Variants in PCDHGA4 observed in about 807,000 individuals in gnomAD.
PCDHGA4 encodes the protein protocadherin gamma-A4.
A neutral mutation model predicts 54.6 loss-of-function variants in PCDHGA4; 38 were observed. That is an observed-to-expected ratio of 0.70 (90% CI 0.54 to 0.91). PCDHGA4 has a LOEUF of 0.91. Ranked by LOEUF, PCDHGA4 falls within the 40% of genes least tolerant of loss-of-function variation. PCDHGA4 has a pLI of 0.00. For missense variants in PCDHGA4, 1,298 were observed against 1,220.9 expected, an observed-to-expected ratio of 1.06 and a Z score of -0.94; for synonymous variants, 511 against 512.9, an observed-to-expected ratio of 1.00 and a Z score of 0.05.
intron 1 of PCDHGA4, chr5:141,362,379 G>A (rs963441709): frequency 1.2e-5 from 19 of 1,614,004 alleles, no homozygotes; most frequent in Non-Finnish European, 1.5e-5. Flanking sequence ...AGGGTACATT[G>A]CCCTATTCCT....
At chr5:141,367,492 G>A (rs1260519213) in intron 1 of PCDHGA4, 2 of 152,030 alleles carry the variant, frequency 1.3e-5, no homozygotes, top group African/African-American at 2.4e-5. Context: ...AGCCGAGATC[G>A]CGCCACTGCA....
rs766779419 is a variant in PCDHGA4, at chr5:141,389,386, C to G, written c.2514+31765C>G. On this transcript the variant is annotated intron_variant, in intron 1 of 3. Transcript: ENST00000571252. ...GACCTGGAGCAGCGGGAGCTGTCAT[C>G]CTACGTGTCCATAAGCGCGGAGAGC... The G allele has an allele frequency of 1.1e-5, 17 of 1,613,620 alleles. No homozygotes were observed. The highest frequency in any genetic ancestry group is 6.7e-5 in the African/African-American group (5 of 74,960).
At chr5:141,400,929 A>G (rs1179035412) in intron 1 of PCDHGA4, among the ~76,000 whole-genome samples, 2 of 152,214 alleles carry the variant, frequency 1.3e-5, no homozygotes, top group Non-Finnish European at 2.9e-5. Flanking sequence ...CTGCTAGTAG[A>G]TGTCTTTCTT....
In PCDHGA4 at chr5:141,374,604, G is replaced by A. The variant is rs538426396; in HGVS notation, c.2514+16983G>A. ...TCCCTTCAGGGATTTAAGCTCAGTG[G>A]TAATAGTCACTTCTCAGTGGACGTG... On this transcript the variant is annotated intron_variant, in intron 1 of 3. Coordinates refer to ENST00000571252, the MANE Select transcript of PCDHGA4 (RefSeq NM_018917.4). 4.6e-5 allele frequency: 75 copies of A among 1,613,652 alleles called. No individual in the cohort carries two copies. In the South Asian group the frequency reaches 6.8e-4, roughly 15 times the overall value.
chr5:141,419,415 C>A, intron 1 of PCDHGA4: 2 of 1,613,434 alleles, frequency 1.2e-6, no homozygotes, highest in Non-Finnish European at 1.7e-6. Flanking sequence ...GCGCAGCGCG[C>A]CTTCGACCAC....
rs145718404 is a variant in PCDHGA4 at position 141,404,928 on chromosome 5, C to T, written c.2514+47307C>T. On this transcript the variant is annotated intron_variant, in intron 1 of 3. Transcript: ENST00000571252. ...CAGCCCCCTCTCTCGGCCACTGTCA[C>T]GCTCACAGTAGCCATAGCTGACAGC... The T allele has an allele frequency of 1.6e-4, 263 of 1,613,866 alleles. 1 individual carries two copies. In the African/African-American group the frequency reaches 2.2e-3, roughly 13 times the overall value.
intron 1 of PCDHGA4, chr5:141,393,056 C>A: frequency 6.2e-7 from 1 of 1,613,606 alleles, no homozygotes; most frequent in Non-Finnish European, 8.5e-7. Flanking sequence ...ACCCGCGCAG[C>A]GGCAGCTTGA....
chr5:141,360,377 G>C (rs1761565545), intron 1 of PCDHGA4: 1 of 1,613,920 alleles, frequency 6.2e-7, no homozygotes, highest in African/African-American at 1.3e-5. Context: ...AACCCAGAAA[G>C]CGGAGACTTA....
chr5:141,491,612 G>C lies in PCDHGA4; in HGVS notation c.2515-3195G>C, dbSNP rs759955730. 1 of 1,613,906 alleles carries C rather than the reference G, an allele frequency of 6.2e-7. No individual in the cohort carries two copies. Among genetic ancestry groups the C allele is most frequent in the South Asian group, 1.1e-5 (1 of 91,080 alleles). ...GACGGCAGTGACTTCACTTTTCTAA[G>C]ACCCCTCAGCGTTCAGCAGCCCACA... On this transcript the variant is annotated intron_variant, in intron 1 of 3. Transcript: ENST00000571252. The surrounding 1 kb of genome is among the most constrained non-coding windows in gnomAD (Gnocchi z 6.9).
chr5:141,429,390 A>ATT (rs1561841316), intron 1 of PCDHGA4, among the ~76,000 whole-genome samples: 8 of 150,216 alleles, frequency 5.3e-5, no homozygotes, highest in African/African-American at 1.7e-4. Flanking sequence ...TTTTTTTTAA[A>ATT]AAAAATTGAG....
Position 141,355,116 on chromosome 5 carries a change from T to A in PCDHGA4, c.9T>A (p.Phe3Leu). Residue 3 changes from phenylalanine to leucine, a missense_variant, in exon 1 of 4, where the codon TTT becomes TTA. Physicochemically the swap from Phe to Leu is conservative, Grantham distance 22. Transcript: ENST00000571252. Reference sequence around the variant, plus strand: ...GAGAGCTCTGGCTGTGAATGCACTTTATTTTGGACCCAGAAGATCCTGGGG... The same window carrying A: ...GAGAGCTCTGGCTGTGAATGCACTTAATTTTGGACCCAGAAGATCCTGGGG... MH[F>L]ILDPEDPGAP... The A allele has an allele frequency of 6.6e-7, 1 of 1,511,608 alleles. No homozygotes were observed. The highest frequency in any genetic ancestry group is 1.3e-5 in the South Asian group (1 of 74,106). 93.6% of individuals were successfully genotyped at this position (1,511,608 alleles called of 1,614,324 possible).
intron 1 of PCDHGA4, chr5:141,375,942 G>A (rs1772069544): frequency 1.2e-6 from 2 of 1,613,400 alleles, no homozygotes; most frequent in African/African-American, 2.7e-5. Flanking sequence ...TTCTCAGTGG[G>A]CCTGCACACG....
rs1488042504 is a variant in PCDHGA4, at chr5:141,511,552, T to C, written c.*379T>C. ...CCTCCTCCCCACCCCACTCCAACAG[T>C]TCCTCTTTCCCGAGTAAGGTGGTTG... On this transcript the variant is annotated 3_prime_UTR_variant, in exon 4 of 4. Coordinates refer to ENST00000571252, the MANE Select transcript of PCDHGA4 (RefSeq NM_018917.4). 1.3e-5 allele frequency: 4 copies of C among 304,316 alleles called. No individual in the cohort carries two copies. The highest frequency in any genetic ancestry group is 2.6e-5 in the Non-Finnish European group (4 of 156,548). The allele number at this position is 304,316 out of a possible 1,614,324, so 18.9% of individuals were successfully genotyped here.
chr5:141,423,506 T>C (rs1242003813), intron 1 of PCDHGA4: 1 of 1,613,808 alleles, frequency 6.2e-7, no homozygotes, highest in African/African-American at 1.3e-5. Context: ...GAGGTCTCTC[T>C]CATTGCGGAC....
In PCDHGA4 at chr5:141,432,002, G is replaced by A. The variant is rs781525225; in HGVS notation, c.2515-62805G>A. On this transcript the variant is annotated intron_variant, in intron 1 of 3. Transcript: ENST00000571252. This position sits in a 1 kb window ranked among gnomAD's most constrained non-coding sequence, Gnocchi z 6.0. ...AGACATAGTCTTGGATAGGGAACAG[G>A]TTCCTAGCTACAACATCACAGTGAC... The A allele has an allele frequency of 1.9e-6, 3 of 1,614,186 alleles. No homozygotes were observed. In the South Asian group the frequency reaches 3.3e-5, roughly 18 times the overall value.
intron 1 of PCDHGA4, among the ~76,000 whole-genome samples, chr5:141,471,744 A>G (rs2099263733): frequency 6.6e-6 from 1 of 152,208 alleles, no homozygotes; most frequent in South Asian, 2.1e-4. Context: ...GAGACATAAC[A>G]TATTTGAGGG....
In PCDHGA4 at chr5:141,485,145, A is replaced by G. The variant is rs766014792; in HGVS notation, c.2515-9662A>G. On this transcript the variant is annotated intron_variant, in intron 1 of 3. Coordinates refer to ENST00000571252, the MANE Select transcript of PCDHGA4 (RefSeq NM_018917.4). The surrounding 1 kb of genome is among the most constrained non-coding windows in gnomAD (Gnocchi z 5.7). Reference sequence around the variant, plus strand: ...GGGTCGGCTTCATCCGCGTCTCAGGAGCAAGTAGAGAATTAGCGGGCGGCA... The same window carrying G: ...GGGTCGGCTTCATCCGCGTCTCAGGGGCAAGTAGAGAATTAGCGGGCGGCA... The G allele has an allele frequency of 4.5e-6, 7 of 1,567,410 alleles. No individual in the cohort carries two copies. Among genetic ancestry groups the G allele is most frequent in the Non-Finnish European group, 6.1e-6 (7 of 1,142,014 alleles).
intron 1 of PCDHGA4, among the ~76,000 whole-genome samples, chr5:141,407,220 A>G (rs569421185): frequency 6.6e-6 from 1 of 152,342 alleles, no homozygotes; most frequent in East Asian, 1.9e-4. Context: ...TTAAGTGGGT[A>G]GCAAAAAAAA....
rs757588144 is a variant in PCDHGA4 at position 141,361,653 on chromosome 5, C to T, written c.2514+4032C>T. 10 of 1,613,652 alleles carry T rather than the reference C, an allele frequency of 6.2e-6. No individual in the cohort carries two copies. The South Asian group carries it at 8.8e-5, about 14-fold the overall frequency. On this transcript the variant is annotated intron_variant, in intron 1 of 3. Transcript: ENST00000571252. ...CGCGGGAGATTTTATCCTACGTGTC[C>T]GTGAGCGCGCAGAGCGGGGTGGTGT...
Sources: allele counts gnomAD v4.1 joint callset (sites outside exome capture counted in the v4.1 genomes callset), GRCh38; gene constraint gnomAD v4.1.1; non-coding constraint Gnocchi (gnomAD v3.1); transcripts MANE v1.5; gene names NCBI Gene and HGNC (gene_info 2026-07-23, HGNC 2026-07-21).